The following MCTP2 variants were observed in gnomAD, a reference collection of about 807,000 sequenced individuals.
MCTP2 encodes the protein multiple C2 and transmembrane domain-containing protein 2.
A neutral mutation model predicts 111.6 loss-of-function variants in MCTP2; 132 were observed. The ratio of observed to expected loss-of-function variants is 1.18; its 90% CI spans 1.03 to 1.37. The LOEUF is 1.37. Among genes scored for constraint, MCTP2 ranks in the 40% most tolerant of loss-of-function variants. The pLI, the probability that MCTP2 is intolerant of heterozygous loss-of-function variation, is 0.00. For missense variants in MCTP2, 1,183 were observed against 1,067.9 expected, an observed-to-expected ratio of 1.11 and a Z score of -1.50; for synonymous variants, 395 against 387.7, an observed-to-expected ratio of 1.02 and a Z score of -0.22.
At chr15:94,252,932 T>A (rs780063065) in intron 1 of MCTP2, among the ~76,000 whole-genome samples, 1 of 152,194 alleles carries the variant, frequency 6.6e-6, no homozygotes, top group African/African-American at 2.4e-5. Context: ...TTATCTTATC[T>A]CTTGTCATAC....
chr15:94,390,078 ATATATATATATG>A (rs1218583861), intron 14 of MCTP2, among the ~76,000 whole-genome samples: 10 of 47,294 alleles, frequency 2.1e-4, no homozygotes, highest in African/African-American at 5.2e-4. Context: ...ATATATATAT[ATATATATATATG>A]TATATATATA....
At chr15:94,441,466 G>A (rs1260693785) in intron 18 of MCTP2, among the ~76,000 whole-genome samples, 2 of 152,056 alleles carry the variant, frequency 1.3e-5, no homozygotes, top group African/African-American at 2.4e-5. Flanking sequence ...CAATGTTTAC[G>A]CAGGTTTTAT....
intron 1 of MCTP2, among the ~76,000 whole-genome samples, chr15:94,255,581 G>C (rs1180825283): frequency 6.6e-6 from 1 of 152,170 alleles, no homozygotes; most frequent in Non-Finnish European, 1.5e-5. Context: ...AAACATGCCT[G>C]TAGGCCAAGG....
chr15:94,243,926 CAT>C (rs61728778), intron 1 of MCTP2, among the ~76,000 whole-genome samples: 55,415 of 141,308 alleles, frequency 0.39, 11,035 homozygotes, highest in Non-Finnish European at 0.44. Context: ...TATATTTACA[CAT>C]ATGTGTACAC....
chr15:94,406,011 C>T (rs890081861), intron 17 of MCTP2, among the ~76,000 whole-genome samples: 3 of 152,124 alleles, frequency 2.0e-5, no homozygotes, highest in African/African-American at 7.2e-5. Flanking sequence ...GAAGTAAGTG[C>T]ACCTGTATAT....
At chr15:94,411,284 C>CTTTTTTTTT (rs111921100) in intron 17 of MCTP2, among the ~76,000 whole-genome samples, 13 of 139,276 alleles carry the variant, frequency 9.3e-5, no homozygotes, top group South Asian at 2.3e-4. Flanking sequence ...TTTGATATTG[C>CTTTTTTTTT]TTTTTTTTTT....
intron 17 of MCTP2, among the ~76,000 whole-genome samples, chr15:94,411,030 C>T (rs2082129463): frequency 1.3e-5 from 2 of 152,222 alleles, no homozygotes; most frequent in African/African-American, 4.8e-5. Flanking sequence ...TCTCTAACTG[C>T]CATCACAGCC....
At position 94,298,209 on chromosome 15, in the gene MCTP2, G is replaced by T; in HGVS notation, c.-57G>T. The T allele has an allele frequency of 2.0e-5, 25 of 1,252,390 alleles. 2 individuals carry two copies. Among genetic ancestry groups the T allele is most frequent in the South Asian group, 1.1e-4 (7 of 63,214 alleles). The allele number at this position is 1,252,390 out of a possible 1,614,324, so 77.6% of individuals were successfully genotyped here. A position where few individuals can be genotyped will look rare whatever the true frequency, so the allele number is the denominator to read the frequency against. ...TTTTTTCTGTTTTATAGGAGTCATT[G>T]CAGTTTTCAGTAGAGGTGTACTTCT... On this transcript the variant is annotated 5_prime_UTR_variant, in exon 2 of 23. Transcript: ENST00000357742.
intron 17 of MCTP2, among the ~76,000 whole-genome samples, chr15:94,426,001 C>T (rs138488419): frequency 3.9e-5 from 6 of 152,120 alleles, no homozygotes; most frequent in African/African-American, 1.4e-4. Flanking sequence ...GTTTTTTGGA[C>T]ATGTCAATTG....
chr15:94,243,054 TACACATAC>T (rs1380299430), intron 1 of MCTP2, among the ~76,000 whole-genome samples: 1,072 of 81,250 alleles, frequency 0.013, 236 homozygotes, highest in African/African-American at 0.043. Context: ...TATGTGTATC[TACACATAC>T]ACGTGTATAT....
rs765847573 is a variant in MCTP2, at chr15:94,384,029, T to C, written c.1590T>C (p.Ser530=). The C allele has an allele frequency of 4.3e-6, 7 of 1,612,086 alleles. No homozygotes were observed. The South Asian group carries it at 7.7e-5, about 18-fold the overall frequency. ...TGTATGTTATCTTTCCAGGGAAGAG[T>C]GACCCATTTTGCTTGTTGGAGTTAG... is the stretch of plus-strand genomic sequence containing the variant. ...DLLAADFSGK[S]DPFCLLELGN... Residue 530 remains serine, a synonymous_variant, in exon 13 of 23, where the codon AGT becomes AGC. Transcript: ENST00000357742.
In MCTP2 at chr15:94,362,071, A is replaced by T. The variant is rs187916118; in HGVS notation, c.1301+3459A>T. 2.6e-5 allele frequency among the ~76,000 whole-genome samples: 4 copies of T among 152,206 alleles called. No individual in the cohort carries two copies. The East Asian group carries it at 7.7e-4, about 29-fold the overall frequency. On this transcript the variant is annotated intron_variant, in intron 10 of 22. Coordinates refer to ENST00000357742, the MANE Select transcript of MCTP2 (RefSeq NM_001385001.1). Reference sequence around the variant, plus strand: ...TCCTAAAAACACTGGGGTTGGTGAGATGAAGGTGCTTGGGTAAGATCAACC... The same window carrying T: ...TCCTAAAAACACTGGGGTTGGTGAGTTGAAGGTGCTTGGGTAAGATCAACC...
At chr15:94,346,943 A>T (rs919451512) in intron 8 of MCTP2, among the ~76,000 whole-genome samples, 3 of 151,902 alleles carry the variant, frequency 2.0e-5, no homozygotes, top group Non-Finnish European at 4.4e-5. Flanking sequence ...TAGTTTCTCG[A>T]ATTTGACTTC....
At chr15:94,351,211 G>T (rs1273014806) in intron 8 of MCTP2, among the ~76,000 whole-genome samples, 1 of 152,114 alleles carries the variant, frequency 6.6e-6, no homozygotes, top group Non-Finnish European at 1.5e-5. Context: ...CTCATGCAAG[G>T]ATTTCTGTGT....
intron 1 of MCTP2, among the ~76,000 whole-genome samples, chr15:94,247,506 G>C (rs1472593136): frequency 6.6e-6 from 1 of 152,064 alleles, no homozygotes; most frequent in Non-Finnish European, 1.5e-5. Context: ...GTGGAGTTCA[G>C]GGGCTTCATT....
intron 14 of MCTP2, among the ~76,000 whole-genome samples, chr15:94,394,772 GAAAA>G (rs111538758): frequency 6.8e-6 from 1 of 146,602 alleles, no homozygotes; most frequent in Admixed American, 6.7e-5. Flanking sequence ...CTCAAAGAAA[GAAAA>G]AAAAAAGTTA....
intron 17 of MCTP2, among the ~76,000 whole-genome samples, chr15:94,421,587 G>A (rs1010438485): frequency 7.9e-5 from 12 of 152,118 alleles, no homozygotes; most frequent in Admixed American, 6.5e-5. Context: ...TGGCTCATGG[G>A]CCATTCCTCC....
At chr15:94,292,665 A>G (rs2152327345) in intron 1 of MCTP2, among the ~76,000 whole-genome samples, 1 of 152,362 alleles carries the variant, frequency 6.6e-6, no homozygotes, top group East Asian at 1.9e-4. Context: ...GAGACTAAAC[A>G]TAGTAAATAT....
At chr15:94,269,903 C>G (rs908747304) in intron 1 of MCTP2, among the ~76,000 whole-genome samples, 2 of 152,028 alleles carry the variant, frequency 1.3e-5, no homozygotes, top group Admixed American at 1.3e-4. Flanking sequence ...GAAGATACCT[C>G]TAAAAAAAAG....
Sources: gnomAD v4.1 joint callset for allele counts (sites outside exome capture counted in the v4.1 genomes callset) on GRCh38, gnomAD v4.1.1 for gene constraint, MANE v1.5 for transcripts, NCBI Gene and HGNC (gene_info 2026-07-23, HGNC 2026-07-21) for gene names.